The following MYOF variants were observed in gnomAD, a reference collection of about 807,000 sequenced individuals.
MYOF encodes myoferlin.
MYOF carries 244 observed loss-of-function variants against 284.2 expected under a neutral mutation model. That is an observed-to-expected ratio of 0.86 (90% CI 0.77 to 0.95). The LOEUF (loss-of-function observed/expected upper bound fraction) is 0.95, where lower values mean the gene tolerates loss of function less well. MYOF is among the 40% of genes least tolerant of loss of function. The pLI is 0.00. For missense variants in MYOF, 2,496 were observed against 2,560.6 expected, an observed-to-expected ratio of 0.97 and a Z score of 0.54; for synonymous variants, 904 against 919.7, an observed-to-expected ratio of 0.98 and a Z score of 0.31.
At chr10:93,365,747 A>G (rs1170180572) in intron 26 of MYOF, among the ~76,000 whole-genome samples, 3 of 152,158 alleles carry the variant, frequency 2.0e-5, no homozygotes, top group Admixed American at 6.5e-5. Context: ...GTTATGGGCT[A>G]TCTTCTCAAA....
At chr10:93,344,213 A>G (rs973512295) in intron 37 of MYOF, among the ~76,000 whole-genome samples, 7 of 152,232 alleles carry the variant, frequency 4.6e-5, no homozygotes, top group Non-Finnish European at 1.0e-4. Context: ...TGCTCAAAAA[A>G]CAATTGTGTC....
intron 2 of MYOF, 61 bp downstream of exon 2, chr10:93,456,821 A>C: frequency 7.8e-7 from 1 of 1,282,514 alleles, no homozygotes; most frequent in African/African-American, 1.5e-5. Flanking sequence ...TCTCACCCAA[A>C]GATAGGACAA....
chr10:93,452,106 G>A lies in MYOF; in HGVS notation c.180C>T (p.Asp60=). The change falls in exon 3 of 54, where the codon GAC becomes GAT. Residue 60 remains aspartate (D), a synonymous_variant. Coordinates refer to ENST00000359263, the MANE Select transcript of MYOF (RefSeq NM_013451.4). ...CAATAATCCCAAGGGAAGATGAAAA[G>A]TCCAGTGGTATACCCCTCAAGTCAA... ...LEFDLRGIPL[D]FSSSLGIIVK... is the part of the protein sequence containing the mutation. 6.2e-7 allele frequency: 1 copy of A among 1,613,164 alleles called. No individual in the cohort carries two copies. The highest frequency in any genetic ancestry group is 8.5e-7 in the Non-Finnish European group (1 of 1,179,790).
At chr10:93,324,588 A>G (rs1483011961) in intron 46 of MYOF, 7 of 152,192 alleles carry the variant, frequency 4.6e-5, no homozygotes, top group African/African-American at 1.7e-4. Context: ...AGAGGAGAGA[A>G]AGAAGGAGGA....
chr10:93,477,632 A>T (rs1251477039), intron 1 of MYOF, among the ~76,000 whole-genome samples: 1 of 152,018 alleles, frequency 6.6e-6, no homozygotes, highest in Non-Finnish European at 1.5e-5. Context: ...GCGGATCATG[A>T]GGCCAGGAGT....
chr10:93,386,263 T>A (rs1434725502), intron 19 of MYOF, among the ~76,000 whole-genome samples: 1 of 152,180 alleles, frequency 6.6e-6, no homozygotes, highest in Non-Finnish European at 1.5e-5. Flanking sequence ...ATGCAAACTG[T>A]CCCTTTTCTC....
intron 38 of MYOF, among the ~76,000 whole-genome samples, chr10:93,340,518 G>A (rs981490097): frequency 1.3e-5 from 2 of 152,130 alleles, no homozygotes; most frequent in African/African-American, 4.8e-5. Context: ...GCAGGGTGTG[G>A]AGCTGCTCAT....
chr10:93,386,931 T>C (rs1196852653), intron 19 of MYOF, among the ~76,000 whole-genome samples: 2 of 151,762 alleles, frequency 1.3e-5, no homozygotes, highest in African/African-American at 4.8e-5. Flanking sequence ...CCACGGGAGT[T>C]TGGGGGAGAG....
intron 1 of MYOF, among the ~76,000 whole-genome samples, chr10:93,480,531 A>T (rs1264100097): frequency 8.3e-6 from 1 of 121,200 alleles, no homozygotes; most frequent in African/African-American, 3.3e-5. Flanking sequence ...GTTGGAGTGC[A>T]GTAGCATGAT....
rs760821493 is a variant in MYOF at position 93,397,449 on chromosome 10, G to A, written c.1229C>T (p.Thr410Ile). The A allele has an allele frequency of 9.3e-6, 15 of 1,604,978 alleles. No homozygotes were observed. The highest frequency in any genetic ancestry group is 3.3e-4 in the Middle Eastern group (2 of 6,040). Reference sequence around the variant, plus strand: ...GTTTGCATTTTTCTCAATTATGTTTGTACAAACCTGTAAAATCACCAAAGC... The same window carrying A: ...GTTTGCATTTTTCTCAATTATGTTTATACAAACCTGTAAAATCACCAAAGC... Reference protein sequence around the residue: ...EVSFAGKKVCTNIIEKNANPE... With the variant: ...EVSFAGKKVCINIIEKNANPE... The change falls in exon 14 of 54, where the codon ACA becomes ATA. Residue 410 changes from threonine to isoleucine, a missense_variant. Thr to Ile is a moderately conservative substitution (Grantham distance 89). This residue lies in a region of MYOF where 2,436 missense variants were observed against 2,480.7 expected (regional missense o/e 0.98). Transcript: ENST00000359263.
At chr10:93,460,729 T>C (rs1447737429) in intron 1 of MYOF, among the ~76,000 whole-genome samples, 1 of 137,610 alleles carries the variant, frequency 7.3e-6, no homozygotes, top group Non-Finnish European at 1.5e-5. Flanking sequence ...ATCAAGCCAC[T>C]GCACTCCAGC....
chr10:93,405,797 T>C lies in MYOF; in HGVS notation c.730-1578A>G, dbSNP rs1383141465. 8.2e-4 allele frequency among the ~76,000 whole-genome samples: 12 copies of C among 14,640 alleles called. No individual in the cohort carries two copies. The Admixed American group carries it at 0.012, about 15-fold the overall frequency. The allele number at this position is 14,640 out of a possible 152,430, so 9.6% of individuals were successfully genotyped here. A position where few individuals can be genotyped will look rare whatever the true frequency, so the allele number is the denominator to read the frequency against. On this transcript the variant is annotated intron_variant, in intron 7 of 53. Coordinates refer to ENST00000359263, the MANE Select transcript of MYOF (RefSeq NM_013451.4). ...AAAAAGATATATACAGGCTAGGATT[T>C]TTTTTTTTTTTTTTTTTTTTGACGG...
chr10:93,418,307 G>T (rs563967317), intron 5 of MYOF, among the ~76,000 whole-genome samples: 5 of 152,252 alleles, frequency 3.3e-5, no homozygotes, highest in Non-Finnish European at 7.4e-5. Flanking sequence ...GTAATATTTT[G>T]GAGATAACAC....
chr10:93,406,246 A>C (rs1265107122), intron 7 of MYOF, among the ~76,000 whole-genome samples: 3 of 134,050 alleles, frequency 2.2e-5, no homozygotes, highest in African/African-American at 7.7e-5. Context: ...GGCGTGAGCC[A>C]CCACGCCTGG....
chr10:93,334,459 C>T (rs1418949418), intron 41 of MYOF, among the ~76,000 whole-genome samples: 3 of 152,088 alleles, frequency 2.0e-5, no homozygotes, highest in Non-Finnish European at 4.4e-5. Flanking sequence ...GCACTGGCCT[C>T]TGCATTGAGA....
At chr10:93,340,283 G>T in intron 38 of MYOF, 119 bp from the exon 39 acceptor site, 2 of 970,604 alleles carry the variant, frequency 2.1e-6, no homozygotes, top group South Asian at 1.5e-5. Flanking sequence ...ATTCATGCAT[G>T]CCTTATATTA....
rs780862055 is a variant in MYOF at position 93,379,987 on chromosome 10, C to T, written c.1877G>A (p.Gly626Asp). 12 of 1,612,966 alleles carry T rather than the reference C, an allele frequency of 7.4e-6. No individual in the cohort carries two copies. The highest frequency in any genetic ancestry group is 1.0e-5 in the Non-Finnish European group (12 of 1,179,274). ...TTQYSRAVFD[G>D]NYYYYLPWAH... ...CCAAGGCAAGTAATAATAGTAGTTGCCTGGTATAAAACATTGGGGGTCAAT... is the reference window on the plus strand; with the variant it reads ...CCAAGGCAAGTAATAATAGTAGTTGTCTGGTATAAAACATTGGGGGTCAAT... The change falls in exon 21 of 54, where the codon GGC (glycine) becomes GAC (aspartate). Residue 626 changes from glycine to aspartate, a missense_variant and splice_region_variant. Gly to Asp is a moderately conservative substitution (Grantham distance 94). Around this residue, in one of 3 missense-constraint regions of MYOF, gnomAD observed 2,436 missense variants for 2,480.7 expected, o/e 0.98. Coordinates refer to ENST00000359263, the MANE Select transcript of MYOF (RefSeq NM_013451.4).
intron 16 of MYOF, among the ~76,000 whole-genome samples, chr10:93,394,448 C>CTTTTTCTTTTTTTTTTT (rs1846872730): frequency 3.5e-5 from 1 of 28,682 alleles, no homozygotes; most frequent in Non-Finnish European, 6.5e-5. Flanking sequence ...ACCATCTTGT[C>CTTTTTCTTTTTTTTTTT]TTTTTTTTTT....
intron 46 of MYOF, among the ~76,000 whole-genome samples, chr10:93,324,849 G>A (rs111434577): frequency 1.6e-3 from 241 of 152,004 alleles, no homozygotes; most frequent in African/African-American, 5.5e-3. Context: ...GTGGGATCAC[G>A]ACTCACTGCA....
Sources: gnomAD v4.1 joint callset for allele counts (sites outside exome capture counted in the v4.1 genomes callset) on GRCh38, gnomAD v4.1.1 for gene constraint, gnomAD v4.1.1 regional missense constraint, MANE v1.5 for transcripts, NCBI Gene and HGNC (gene_info 2026-07-23, HGNC 2026-07-21) for gene names.